Variants in MYO18B observed in about 807,000 individuals in gnomAD.
MYO18B encodes myosin XVIIIB.
A neutral mutation model predicts 273.0 loss-of-function variants in MYO18B; 204 were observed. The observed-to-expected ratio is 0.75, with a 90% CI of 0.67 to 0.84. The LOEUF is 0.84. Among genes scored for constraint, MYO18B ranks in the 40% least tolerant of loss-of-function variants. The probability of loss-of-function intolerance (pLI) is 0.00; values close to 1 mark genes in which losing one functional copy is unlikely to be tolerated. For synonymous variants in MYO18B, 1,330 were observed against 1,305.7 expected (o/e 1.02, Z -0.40); for missense variants, 3,212 against 3,287.6 (o/e 0.98, Z 0.56).
At chr22:25,944,468 A>T (rs986958140) in intron 34 of MYO18B, among the ~76,000 whole-genome samples, 1 of 152,190 alleles carries the variant, frequency 6.6e-6, no homozygotes, top group African/African-American at 2.4e-5. Context: ...AAAGGGGGAT[A>T]AGAGGGCCAA....
At chr22:25,765,969 C>T (rs956760254) in intron 3 of MYO18B, among the ~76,000 whole-genome samples, 13 of 152,332 alleles carry the variant, frequency 8.5e-5, no homozygotes, top group South Asian at 4.1e-4. Flanking sequence ...AGAAGCTACT[C>T]GGCCTTGGGC....
rs545281386 is a variant in MYO18B at position 26,026,599 on chromosome 22, G to A, written c.6625G>A (p.Glu2209Lys). The A allele has an allele frequency of 5.6e-6, 9 of 1,613,782 alleles. No individual in the cohort carries two copies. The highest frequency in any genetic ancestry group is 3.3e-5 in the Admixed American group (2 of 60,004). Residue 2209 changes from glutamate to lysine, a missense_variant, in exon 43 of 44, where the codon GAA becomes AAA. Glu to Lys is a moderately conservative substitution (Grantham distance 56). Coordinates refer to ENST00000335473, the MANE Select transcript of MYO18B (RefSeq NM_032608.7). ...RQKYCHFGDG[E>K]VLAVQRKSTE... is the part of the protein sequence containing the mutation. Reference sequence around the variant, plus strand: ...AAAGTACTGTCATTTTGGGGACGGCGAAGTGCTTGCCGTCCAGAGAAAGTC... The same window carrying A: ...AAAGTACTGTCATTTTGGGGACGGCAAAGTGCTTGCCGTCCAGAGAAAGTC...
chr22:25,846,925 C>CA (rs1364277567), intron 19 of MYO18B, among the ~76,000 whole-genome samples: 1 of 151,780 alleles, frequency 6.6e-6, no homozygotes, highest in Non-Finnish European at 1.5e-5. Flanking sequence ...ACTAAAAATA[C>CA]AAAAAATTGG....
intron 42 of MYO18B, among the ~76,000 whole-genome samples, chr22:26,016,644 C>A (rs376017096): frequency 5.9e-5 from 9 of 152,316 alleles, no homozygotes; most frequent in African/African-American, 1.9e-4. Flanking sequence ...CTTTCTGTTC[C>A]TCCATTCCTT....
intron 20 of MYO18B, among the ~76,000 whole-genome samples, chr22:25,849,295 T>C (rs1313103802): frequency 2.0e-5 from 3 of 152,216 alleles, no homozygotes; most frequent in Non-Finnish European, 4.4e-5. Flanking sequence ...GCTTTCCAAC[T>C]AAGCGAAGGG....
intron 20 of MYO18B, among the ~76,000 whole-genome samples, chr22:25,849,454 T>G (rs190420142): frequency 3.3e-5 from 5 of 152,164 alleles, no homozygotes; most frequent in Non-Finnish European, 5.9e-5. Context: ...ATATTTATTA[T>G]TTGGAATCTG....
chr22:26,031,965 G>A (rs756242553), downstream of MYO18B, among the ~76,000 whole-genome samples: 4 of 152,192 alleles, frequency 2.6e-5, no homozygotes, highest in Admixed American at 6.5e-5. Flanking sequence ...GGACCTCTGC[G>A]GAGTCAGAAG....
intron 1 of MYO18B, among the ~76,000 whole-genome samples, chr22:25,753,381 A>T (rs943337345): frequency 6.6e-6 from 1 of 152,224 alleles, no homozygotes; most frequent in African/African-American, 2.4e-5. Context: ...CAGACCAGTC[A>T]GCTCTCTGTA....
chr22:25,984,066 G>A (rs9620577), intron 39 of MYO18B, among the ~76,000 whole-genome samples: 15,599 of 152,258 alleles, frequency 0.1, 891 homozygotes, highest in South Asian at 0.14. Flanking sequence ...TTAGAAAGAA[G>A]GAAATAGGAA....
intron 39 of MYO18B, among the ~76,000 whole-genome samples, chr22:25,982,393 C>T (rs539094486): frequency 1.0e-3 from 153 of 152,322 alleles, no homozygotes; most frequent in African/African-American, 3.3e-3. Flanking sequence ...GCTGGCATTT[C>T]GATAGATCCT....
intron 34 of MYO18B, among the ~76,000 whole-genome samples, chr22:25,931,439 A>G (rs1226391318): frequency 1.3e-5 from 2 of 152,202 alleles, no homozygotes; most frequent in Non-Finnish European, 2.9e-5. Flanking sequence ...GATTCTTTAC[A>G]CTGTGCTAGT....
At chr22:25,904,625 T>C (rs1233744629) in intron 31 of MYO18B, among the ~76,000 whole-genome samples, 1 of 152,224 alleles carries the variant, frequency 6.6e-6, no homozygotes, top group Non-Finnish European at 1.5e-5. Context: ...CAAATACTCT[T>C]GTACCAGTAC....
chr22:25,931,681 C>CTTTTTTTTTTTTTTTTTTTTTTTTT (rs71311530), intron 34 of MYO18B, among the ~76,000 whole-genome samples: 1 of 123,520 alleles, frequency 8.1e-6, no homozygotes, highest in Non-Finnish European at 1.7e-5. Flanking sequence ...TTTCTTTTTT[C>CTTTTTTTTTTTTTTTTTTTTTTTTT]TTTTTTTTTT....
intron 15 of MYO18B, 105 bp downstream of exon 15, chr22:25,829,073 C>G (rs1453270694): frequency 1.6e-6 from 2 of 1,276,668 alleles, no homozygotes; most frequent in African/African-American, 1.5e-5. Context: ...CAGCTTCACC[C>G]TGTTTGGTTC....
At chr22:25,885,776 T>C (rs776798927) in intron 25 of MYO18B, among the ~76,000 whole-genome samples, 1 of 152,184 alleles carries the variant, frequency 6.6e-6, no homozygotes, top group Non-Finnish European at 1.5e-5. Flanking sequence ...GGGGCCCTAA[T>C]GGCCCTTGAA....
the MYO18B span, among the ~76,000 whole-genome samples, chr22:26,043,406 G>A: frequency 4.0e-5 from 6 of 151,838 alleles, no homozygotes; most frequent in Non-Finnish European, 8.8e-5. Context: ...TTTTGTTACT[G>A]TTGGGTAAAT....
intron 39 of MYO18B, among the ~76,000 whole-genome samples, chr22:25,989,767 CAAAAA>C (rs67095758): frequency 3.7e-5 from 3 of 80,414 alleles, no homozygotes; most frequent in Non-Finnish European, 4.7e-5. Context: ...GACTCCGTCT[CAAAAA>C]AAAAAAAAAA....
chr22:25,810,435 T>A (rs1227479162), intron 12 of MYO18B, among the ~76,000 whole-genome samples: 7 of 116,048 alleles, frequency 6.0e-5, no homozygotes, highest in Non-Finnish European at 1.0e-4. Flanking sequence ...AGGCTATAAT[T>A]TTTTTTTTTT....
chr22:25,917,838 C>CTTT (rs1483171532), intron 33 of MYO18B, among the ~76,000 whole-genome samples: 1 of 151,972 alleles, frequency 6.6e-6, no homozygotes, highest in African/African-American at 2.4e-5. Context: ...TATTTCTGTT[C>CTTT]TTTTGGTGGT....
Sources: gnomAD v4.1 joint callset for allele counts (sites outside exome capture counted in the v4.1 genomes callset) on GRCh38, gnomAD v4.1.1 for gene constraint, MANE v1.5 for transcripts, NCBI Gene and HGNC (gene_info 2026-07-23, HGNC 2026-07-21) for gene names.